The following NETO1 variants were observed in gnomAD, a reference collection of about 807,000 sequenced individuals.
NETO1 encodes neuropilin and tolloid like 1.
NETO1 carries 26 observed loss-of-function variants against 61.3 expected under a neutral mutation model. The observed-to-expected ratio is 0.42, with a 90% CI of 0.31 to 0.59. The LOEUF is 0.59. NETO1 is among the 20% of genes least tolerant of loss of function. The pLI is 0.12. For missense variants in NETO1, 531 were observed against 662.8 expected (o/e 0.80, Z 2.18); for synonymous variants, 225 against 225.8 (o/e 1.00, Z 0.03).
At chr18:72,803,236 T>G (rs952583586) in intron 4 of NETO1, among the ~76,000 whole-genome samples, 2 of 152,196 alleles carry the variant, frequency 1.3e-5, no homozygotes, top group African/African-American at 4.8e-5. Flanking sequence ...TAAATGAGAT[T>G]GTTGTTGATG....
At chr18:72,815,637 G>A (rs986993984) in intron 4 of NETO1, among the ~76,000 whole-genome samples, 6 of 152,182 alleles carry the variant, frequency 3.9e-5, no homozygotes, top group East Asian at 1.9e-4. Context: ...AGAAAAGGAT[G>A]TAAGACTGAC....
At chr18:72,854,437 T>C (rs185571524) in intron 4 of NETO1, among the ~76,000 whole-genome samples, 31 of 152,278 alleles carry the variant, frequency 2.0e-4, no homozygotes, top group African/African-American at 7.5e-4. Context: ...TCTATGTCTG[T>C]AAATGACAGA....
intron 6 of NETO1, among the ~76,000 whole-genome samples, chr18:72,786,153 T>C (rs1433351266): frequency 6.6e-6 from 1 of 152,318 alleles, no homozygotes; most frequent in Non-Finnish European, 1.5e-5. Context: ...CATGCACCTA[T>C]ATGACAGACA....
At chr18:72,807,203 A>G (rs2072702434) in intron 4 of NETO1, among the ~76,000 whole-genome samples, 1 of 152,172 alleles carries the variant, frequency 6.6e-6, no homozygotes, top group South Asian at 2.1e-4. Context: ...TGGGGTTGAC[A>G]ATTATAGCTT....
chr18:72,762,844 G>A (rs4892041), intron 7 of NETO1, among the ~76,000 whole-genome samples: 111,534 of 152,046 alleles, frequency 0.73, 41,089 homozygotes, highest in African/African-American at 0.78. Flanking sequence ...CTTTAAATAA[G>A]CAAATTATGT....
intron 3 of NETO1, among the ~76,000 whole-genome samples, chr18:72,860,594 T>A (rs188159319): frequency 1.2e-3 from 186 of 152,288 alleles, no homozygotes; most frequent in African/African-American, 4.3e-3. Context: ...TAAAAAAGTT[T>A]CAGACTCATA....
chr18:72,770,360 T>A (rs953933880), intron 7 of NETO1, among the ~76,000 whole-genome samples: 6 of 152,122 alleles, frequency 3.9e-5, no homozygotes, highest in Non-Finnish European at 8.8e-5. Context: ...TTGATTATGA[T>A]GTTTCTGTAT....
intron 6 of NETO1, among the ~76,000 whole-genome samples, chr18:72,785,744 C>A (rs1192836743): frequency 1.3e-5 from 2 of 152,086 alleles, no homozygotes; most frequent in Non-Finnish European, 2.9e-5. Context: ...TCTTATCTCC[C>A]AACATTATAA....
rs188421634 is a variant in NETO1 at position 72,759,248 on chromosome 18, C to T, written c.869-3101G>A. Among the ~76,000 whole-genome samples the T allele has an allele frequency of 1.3e-4, 20 of 152,274 alleles. No individual in the cohort carries two copies. In the East Asian group the frequency reaches 3.9e-3, roughly 29 times the overall value. On this transcript the variant is annotated intron_variant, in intron 7 of 10. Coordinates refer to ENST00000327305, the MANE Select transcript of NETO1 (RefSeq NM_138966.5). ...CTCCACTCTGCCATCCAAATCACAT[C>T]GGAACCCTATAATCTATAAACCTGT...
intron 4 of NETO1, among the ~76,000 whole-genome samples, chr18:72,798,724 G>T (rs530917484): frequency 6.6e-6 from 1 of 152,298 alleles, no homozygotes; most frequent in East Asian, 1.9e-4. Context: ...TCATCGGAGA[G>T]CTTCTTTGAA....
rs532731521 is a variant in NETO1, at chr18:72,839,850, A to G, written c.469+18976T>C. ...ACAGCCCTTTGTATTTACCATAATT[A>G]TATTTTCTGTTTGTCTGCTACTCCT... On this transcript the variant is annotated intron_variant, in intron 4 of 10. Coordinates refer to ENST00000327305, the MANE Select transcript of NETO1 (RefSeq NM_138966.5). 8.1e-4 allele frequency among the ~76,000 whole-genome samples: 124 copies of G among 152,240 alleles called. 1 individual carries two copies. The South Asian group carries it at 0.023, about 28-fold the overall frequency.
Position 72,762,733 on chromosome 18 carries a change from C to T in NETO1, c.869-6586G>A, listed in dbSNP as rs543252422. Among the ~76,000 whole-genome samples the T allele has an allele frequency of 2.0e-3, 300 of 152,142 alleles. 3 individuals are homozygous for T. Among genetic ancestry groups the T allele is most frequent in the Non-Finnish European group, 3.4e-3 (234 of 68,026 alleles). On this transcript the variant is annotated intron_variant, in intron 7 of 10. Transcript: ENST00000327305. The stretch of plus-strand genomic sequence containing the variant: ...TTATTACCACAAGGTGGCGAACTTA[C>T]ATCAGACTTCAGTGAAGGAGCTTTT...
intron 4 of NETO1, among the ~76,000 whole-genome samples, chr18:72,828,172 G>A (rs1022033287): frequency 1.3e-5 from 2 of 152,180 alleles, no homozygotes; most frequent in Non-Finnish European, 2.9e-5. Context: ...TTAGCCAGGT[G>A]TGGTGGCACA....
intron 4 of NETO1, among the ~76,000 whole-genome samples, chr18:72,854,939 GTTA>G (rs1454522595): frequency 2.0e-5 from 3 of 151,866 alleles, no homozygotes; most frequent in African/African-American, 7.3e-5. Context: ...TGAGGTAACC[GTTA>G]TTGTTTTAAA....
intron 4 of NETO1, among the ~76,000 whole-genome samples, chr18:72,841,698 C>T (rs1232601186): frequency 7.1e-6 from 1 of 140,128 alleles, no homozygotes; most frequent in Non-Finnish European, 1.5e-5. Flanking sequence ...TGTGCCACTG[C>T]TCTCCAGCCT....
At chr18:72,827,369 C>T (rs1426991267) in intron 4 of NETO1, among the ~76,000 whole-genome samples, 1 of 152,126 alleles carries the variant, frequency 6.6e-6, no homozygotes, top group Non-Finnish European at 1.5e-5. Flanking sequence ...AATGACCCTC[C>T]AGCCCCAAAC....
At chr18:72,866,922 T>C (rs2074752752) in intron 1 of NETO1, 1 of 471,852 alleles carries the variant, frequency 2.1e-6, no homozygotes, top group Non-Finnish European at 3.2e-6. Flanking sequence ...CTAGGTATCA[T>C]CCGCGCTCTC....
intron 4 of NETO1, chr18:72,834,972 C>T: frequency 1.3e-6 from 1 of 791,580 alleles, no homozygotes; most frequent in Non-Finnish European, 1.5e-6. Flanking sequence ...TAATTTAACA[C>T]AATATTACAT....
chr18:72,809,204 A>G (rs1294471104), intron 4 of NETO1, among the ~76,000 whole-genome samples: 1 of 152,248 alleles, frequency 6.6e-6, no homozygotes, highest in Non-Finnish European at 1.5e-5. Flanking sequence ...GTAGAAATTA[A>G]AAAGGCAAAA....
Sources: allele counts gnomAD v4.1 joint callset (sites outside exome capture counted in the v4.1 genomes callset), GRCh38; gene constraint gnomAD v4.1.1; transcripts MANE v1.5; gene names NCBI Gene and HGNC (gene_info 2026-07-23, HGNC 2026-07-21).